Variants in NTN4 observed in about 807,000 individuals in gnomAD.
NTN4 encodes the protein netrin 4.
NTN4 carries 32 observed loss-of-function variants against 73.6 expected under a neutral mutation model. That is an observed-to-expected ratio of 0.44 (90% CI 0.33 to 0.58). The LOEUF (loss-of-function observed/expected upper bound fraction) is 0.58. Among genes scored for constraint, NTN4 ranks in the 20% least tolerant of loss-of-function variants. The pLI, the probability that NTN4 is intolerant of heterozygous loss-of-function variation, is 0.04. For missense variants in NTN4, 654 were observed against 798.3 expected (o/e 0.82, Z 2.18); for synonymous variants, 258 against 287.5 (o/e 0.90, Z 1.04).
intron 5 of NTN4, among the ~76,000 whole-genome samples, chr12:95,701,068 C>T (rs1490769592): frequency 6.6e-6 from 1 of 152,124 alleles, no homozygotes; most frequent in Non-Finnish European, 1.5e-5. Flanking sequence ...CCCACTTGGC[C>T]TCCCAAAGTG....
intron 2 of NTN4, among the ~76,000 whole-genome samples, chr12:95,786,619 C>G (rs899872419): frequency 1.3e-5 from 2 of 152,128 alleles, no homozygotes; most frequent in South Asian, 2.1e-4. Context: ...AACTCTTCCC[C>G]CTTCAGAAGC....
At chr12:95,765,081 C>T (rs918469952) in intron 2 of NTN4, among the ~76,000 whole-genome samples, 31 of 152,330 alleles carry the variant, frequency 2.0e-4, no homozygotes, top group Non-Finnish European at 1.0e-4. Context: ...TAGGTGGATA[C>T]ATTTCTTTCA....
chr12:95,680,573 A>G (rs927877255), intron 7 of NTN4, among the ~76,000 whole-genome samples: 1 of 152,264 alleles, frequency 6.6e-6, no homozygotes, highest in African/African-American at 2.4e-5. Flanking sequence ...AATGGTGGAA[A>G]ATTAGAAATT....
intron 2 of NTN4, among the ~76,000 whole-genome samples, chr12:95,786,036 A>G (rs944068600): frequency 1.3e-5 from 2 of 152,130 alleles, no homozygotes; most frequent in African/African-American, 4.8e-5. Context: ...CAAGTGTCCC[A>G]ATGTCCCCAG....
chr12:95,784,294 T>G (rs1441254814), intron 2 of NTN4, among the ~76,000 whole-genome samples: 1 of 152,156 alleles, frequency 6.6e-6, no homozygotes, highest in African/African-American at 2.4e-5. Context: ...CTGGGGAGGC[T>G]TCCTGTAGTC....
chr12:95,781,048 G>A lies in NTN4; in HGVS notation c.585+5891C>T, dbSNP rs1332505284. ...ATCATTCTCAGCAAACTATTGCAAG[G>A]ACAAAAAAACAAACACTGCATGTTC... On this transcript the variant is annotated intron_variant, in intron 2 of 9. Coordinates refer to ENST00000343702, the MANE Select transcript of NTN4 (RefSeq NM_021229.4). This position sits in a 1 kb window ranked among gnomAD's most constrained non-coding sequence, Gnocchi z 4.1. Among the ~76,000 whole-genome samples the A allele has an allele frequency of 1.1e-5, 1 of 91,952 alleles. No homozygotes were observed. The highest frequency in any genetic ancestry group is 3.3e-5 in the African/African-American group (1 of 30,762). The allele number at this position is 91,952 out of a possible 152,430, so 60.3% of individuals were successfully genotyped here.
At chr12:95,702,869 T>C (rs1275645068) in intron 5 of NTN4, among the ~76,000 whole-genome samples, 2 of 148,878 alleles carry the variant, frequency 1.3e-5, no homozygotes, top group Non-Finnish European at 3.0e-5. Flanking sequence ...TTTTTTTTTT[T>C]TTTGAGACAT....
rs948042402 is a variant in NTN4, at chr12:95,659,995, G to GT, written c.1751-774dup. Among the ~76,000 whole-genome samples, 237 of 148,352 alleles carry GT rather than the reference G, an allele frequency of 1.6e-3. 1 individual carries two copies. The highest frequency in any genetic ancestry group is 2.0e-3 in the African/African-American group (81 of 40,520). ...GTGTATGGTAGTGTATATTAAGGAG[G>GT]TTTTTTTTTTGTTTTTGTTTTGTTT... is the stretch of plus-strand genomic sequence containing the variant. On this transcript the variant is annotated intron_variant, in intron 9 of 9. Transcript: ENST00000343702.
At chr12:95,712,787 C>CTTT (rs35614636) in intron 4 of NTN4, among the ~76,000 whole-genome samples, 234 of 105,718 alleles carry the variant, frequency 2.2e-3, no homozygotes, top group Non-Finnish European at 2.6e-3. Context: ...TTCTTTCTTT[C>CTTT]TTTTTTTTTT....
chr12:95,764,226 G>A (rs1395269288), intron 2 of NTN4, among the ~76,000 whole-genome samples: 9 of 152,236 alleles, frequency 5.9e-5, no homozygotes, highest in Non-Finnish European at 1.3e-4. Context: ...GAGGCTGACT[G>A]GAAACTGAGC....
In NTN4 at chr12:95,659,231, G is replaced by T. The variant is rs1592802196; in HGVS notation, c.1751-9C>A. The T allele has an allele frequency of 5.6e-6, 9 of 1,604,468 alleles. No homozygotes were observed. The East Asian group carries it at 2.0e-4, about 36-fold the overall frequency. On this transcript the variant is annotated splice_polypyrimidine_tract_variant and intron_variant, in intron 9 of 9. Transcript: ENST00000343702. ...TACAAGGTATTCCAAACCTAAAAAAGAACAAAATTAGGGGCTATACAGTAT... is the reference window on the plus strand; with the variant it reads ...TACAAGGTATTCCAAACCTAAAAAATAACAAAATTAGGGGCTATACAGTAT...
At chr12:95,690,922 T>A (rs2078397060) in intron 5 of NTN4, among the ~76,000 whole-genome samples, 1 of 152,252 alleles carries the variant, frequency 6.6e-6, no homozygotes, top group Non-Finnish European at 1.5e-5. Flanking sequence ...TTCTACCATA[T>A]ATTTTAAAAG....
intron 7 of NTN4, among the ~76,000 whole-genome samples, chr12:95,677,669 T>C (rs1483498024): frequency 6.6e-6 from 1 of 152,314 alleles, no homozygotes. Flanking sequence ...TGATAATAAT[T>C]GCCATTCTGA....
At chr12:95,766,266 T>G (rs1018192390) in intron 2 of NTN4, among the ~76,000 whole-genome samples, 1 of 152,226 alleles carries the variant, frequency 6.6e-6, no homozygotes, top group Non-Finnish European at 1.5e-5. Context: ...CTAAGCAGTG[T>G]CCAACACAAG....
intron 6 of NTN4, among the ~76,000 whole-genome samples, chr12:95,683,152 C>T (rs575106105): frequency 7.9e-5 from 12 of 152,284 alleles, no homozygotes; most frequent in East Asian, 7.7e-4. Flanking sequence ...CTCTGCCTTC[C>T]GGGTTCAAGC....
chr12:95,710,293 C>G, intron 5 of NTN4, 148 bp downstream of exon 5: 1 of 588,904 alleles, frequency 1.7e-6, no homozygotes, highest in Admixed American at 3.3e-5. Flanking sequence ...ATTCTTGCCT[C>G]TTATCAATGA....
chr12:95,783,040 T>C (rs192004392), intron 2 of NTN4, among the ~76,000 whole-genome samples: 10 of 152,300 alleles, frequency 6.6e-5, no homozygotes, highest in Admixed American at 5.2e-4. Context: ...CTAATTAACC[T>C]ATCATTTTTA....
rs576525661 is a variant in NTN4, at chr12:95,694,911, T to C, written c.1181-11200A>G. On this transcript the variant is annotated intron_variant, in intron 5 of 9. Transcript: ENST00000343702. ...GGAGGCCAAGGCAGGTAAAATCACT[T>C]GAGGCCAGGAGTTCAAGACCAGTCT... Among the ~76,000 whole-genome samples, 3 of 152,238 alleles carry C rather than the reference T, an allele frequency of 2.0e-5. 1 individual carries two copies. Among genetic ancestry groups the C allele is most frequent in the South Asian group, 4.1e-4 (2 of 4,822 alleles).
chr12:95,746,197 G>A (rs1054486543), intron 2 of NTN4, among the ~76,000 whole-genome samples: 1 of 152,130 alleles, frequency 6.6e-6, no homozygotes, highest in African/African-American at 2.4e-5. Flanking sequence ...GCAATTAACT[G>A]ATAAGATACT....
Sources: allele counts gnomAD v4.1 joint callset (sites outside exome capture counted in the v4.1 genomes callset), GRCh38; gene constraint gnomAD v4.1.1; non-coding constraint Gnocchi (gnomAD v3.1); transcripts MANE v1.5; gene names NCBI Gene and HGNC (gene_info 2026-07-23, HGNC 2026-07-21).